The following MTA3 variants were observed in gnomAD, a reference collection of about 807,000 sequenced individuals.
MTA3 encodes the protein metastasis-associated protein MTA3.
Under a neutral mutation model 83.5 loss-of-function variants are expected in MTA3, and 34 were observed. The ratio of observed to expected loss-of-function variants is 0.41; its 90% CI spans 0.31 to 0.54. The LOEUF is 0.54. Among genes scored for constraint, MTA3 ranks in the 20% least tolerant of loss-of-function variants. The pLI is 0.33. For synonymous variants in MTA3, 303 were observed against 252.7 expected, an observed-to-expected ratio of 1.20 and a Z score of -1.89; for missense variants, 761 against 726.4, an observed-to-expected ratio of 1.05 and a Z score of -0.55.
At chr2:42,645,075 C>T (rs1268614783) in intron 6 of MTA3, among the ~76,000 whole-genome samples, 2 of 151,834 alleles carry the variant, frequency 1.3e-5, no homozygotes, top group Non-Finnish European at 2.9e-5. Flanking sequence ...ACGCCTCTTT[C>T]CCCAGTTAGC....
chr2:42,585,275 A>C (rs919111939), intron 3 of MTA3, among the ~76,000 whole-genome samples: 49 of 151,810 alleles, frequency 3.2e-4, no homozygotes, highest in African/African-American at 1.2e-3. Context: ...TTTAGTAGAG[A>C]CGGGGTTTCT....
chr2:42,709,454 G>A (rs934568130), intron 14 of MTA3: 3 of 338,090 alleles, frequency 8.9e-6, no homozygotes, highest in East Asian at 1.0e-4. Context: ...CCCTAAGGAT[G>A]CTGTTATAAT....
At chr2:42,616,308 CT>C (rs1241072411) in intron 4 of MTA3, among the ~76,000 whole-genome samples, 1 of 151,992 alleles carries the variant, frequency 6.6e-6, no homozygotes, top group African/African-American at 2.4e-5. Context: ...GGTGATCTGC[CT>C]GCTTTGGCCT....
At chr2:42,504,349 C>T (rs1371609632) in intron 2 of MTA3, among the ~76,000 whole-genome samples, 1 of 152,186 alleles carries the variant, frequency 6.6e-6, no homozygotes, top group African/African-American at 2.4e-5. Context: ...ACGTGATTCT[C>T]CTGTCTCAGC....
intron 2 of MTA3, among the ~76,000 whole-genome samples, chr2:42,518,141 A>AT (rs151132109): frequency 0.025 from 3,792 of 152,242 alleles, 150 homozygotes; most frequent in African/African-American, 0.086. Flanking sequence ...AGATCGCACC[A>AT]TTGCACTCCA....
chr2:42,755,763 A>G lies in MTA3; in HGVS notation c.*2364A>G. The G allele has an allele frequency of 1.0e-6, 1 of 985,532 alleles. No individual in the cohort carries two copies. The highest frequency in any genetic ancestry group is 1.2e-6 in the Non-Finnish European group (1 of 830,026). 61.0% of individuals were successfully genotyped at this position (985,532 alleles called of 1,614,324 possible). A position where few individuals can be genotyped will look rare whatever the true frequency, so the allele number is the denominator to read the frequency against. On this transcript the variant is annotated 3_prime_UTR_variant, in exon 17 of 17. Transcript: ENST00000405094. ...GGTGTCCCTGCTGTGTGTCAGTGGCATGTCACTGTGGTTCAGTGAGCACAT... is the reference window on the plus strand; with the variant it reads ...GGTGTCCCTGCTGTGTGTCAGTGGCGTGTCACTGTGGTTCAGTGAGCACAT...
intron 8 of MTA3, among the ~76,000 whole-genome samples, chr2:42,663,523 G>A (rs993967587): frequency 4.6e-5 from 7 of 152,210 alleles, no homozygotes; most frequent in East Asian, 3.8e-4. Flanking sequence ...AACTTTGGGA[G>A]GCTGAGGCAG....
At chr2:42,592,677 C>G (rs1423210973) in intron 3 of MTA3, among the ~76,000 whole-genome samples, 1 of 152,162 alleles carries the variant, frequency 6.6e-6, no homozygotes, top group Non-Finnish European at 1.5e-5. Flanking sequence ...TCAGGATCAT[C>G]AATATCACTG....
chr2:42,681,335 T>C (rs1691887717), intron 8 of MTA3, among the ~76,000 whole-genome samples: 1 of 152,172 alleles, frequency 6.6e-6, no homozygotes, highest in African/African-American at 2.4e-5. Flanking sequence ...TAATTTTGTC[T>C]TAAATATCAT....
intron 2 of MTA3, among the ~76,000 whole-genome samples, chr2:42,556,014 G>T (rs1012714540): frequency 6.6e-6 from 1 of 152,004 alleles, no homozygotes; most frequent in African/African-American, 2.4e-5. Flanking sequence ...GGAAGTTGCA[G>T]TGAGCCGACA....
intron 3 of MTA3, among the ~76,000 whole-genome samples, chr2:42,600,756 G>A (rs1377283999): frequency 6.6e-6 from 1 of 152,102 alleles, no homozygotes; most frequent in African/African-American, 2.4e-5. Flanking sequence ...GGCCAGGGTG[G>A]TCTTGAACTC....
In MTA3 at chr2:42,709,016, T is replaced by G. The variant is rs1371854023; in HGVS notation, c.1445T>G (p.Val482Gly). The part of the protein sequence containing the change: ...TTYFTKFARQ[V>G]CKNTLRLRQA... ...TATTTCACAAAATTTGCTCGTCAGG[T>G]CTGCAAAAATACCCTCCGGCTGCGG... The change falls in exon 14 of 17, where the codon GTC becomes GGC. Residue 482 changes from valine to glycine, a missense_variant. Transcript: ENST00000405094. 2 of 1,614,050 alleles carry G rather than the reference T, an allele frequency of 1.2e-6. No individual in the cohort carries two copies. Among genetic ancestry groups the G allele is most frequent in the Non-Finnish European group, 1.7e-6 (2 of 1,179,890 alleles).
intron 2 of MTA3, among the ~76,000 whole-genome samples, chr2:42,548,810 A>AAATATAT (rs1378498420): frequency 3.0e-5 from 2 of 66,492 alleles, no homozygotes; most frequent in African/African-American, 1.5e-4. Context: ...CTCAAAAAAA[A>AAATATAT]ATATATATAT....
chr2:42,503,463 G>A (rs2103648440), intron 2 of MTA3, among the ~76,000 whole-genome samples: 1 of 152,172 alleles, frequency 6.6e-6, no homozygotes, highest in African/African-American at 2.4e-5. Flanking sequence ...CTAACCGTCT[G>A]GGAATGCAGC....
intron 2 of MTA3, among the ~76,000 whole-genome samples, chr2:42,501,480 A>G: frequency 6.6e-6 from 1 of 152,162 alleles, no homozygotes; most frequent in East Asian, 1.9e-4. Context: ...CATGGAGGCC[A>G]TTATTGTATT....
chr2:42,577,091 TAAA>T (rs1173783991), intron 2 of MTA3, among the ~76,000 whole-genome samples: 2 of 19,214 alleles, frequency 1.0e-4, no homozygotes, highest in South Asian at 3.3e-3. Flanking sequence ...GTACTCCATC[TAAA>T]AAAAAAAAAA....
chr2:42,635,589 A>G (rs764681887), intron 4 of MTA3, among the ~76,000 whole-genome samples: 1 of 152,040 alleles, frequency 6.6e-6, no homozygotes, highest in Non-Finnish European at 1.5e-5. Context: ...AGATCACACC[A>G]CTTGCACTCC....
chr2:42,585,589 C>G (rs1335614688), intron 3 of MTA3, among the ~76,000 whole-genome samples: 1 of 151,374 alleles, frequency 6.6e-6, no homozygotes, highest in Non-Finnish European at 1.5e-5. Context: ...ATTCGCCTGC[C>G]TCAGCCTTCT....
At position 42,756,701 on chromosome 2, in the gene MTA3, C is replaced by A; in HGVS notation, c.*3302C>A. On this transcript the variant is annotated 3_prime_UTR_variant, in exon 17 of 17. Transcript: ENST00000405094. ...GGGGGAATTTACTCAGTTAGCAGCC[C>A]CTCCTCACCATTCCCCCCAGGAAGG... is the stretch of plus-strand genomic sequence containing the variant. 5 of 985,432 alleles carry A rather than the reference C, an allele frequency of 5.1e-6. No homozygotes were observed. Among genetic ancestry groups the A allele is most frequent in the Non-Finnish European group, 6.0e-6 (5 of 829,960 alleles). The allele number at this position is 985,432 out of a possible 1,614,324, so 61.0% of individuals were successfully genotyped here.
Sources: gnomAD v4.1 joint callset for allele counts (sites outside exome capture counted in the v4.1 genomes callset) on GRCh38, gnomAD v4.1.1 for gene constraint, MANE v1.5 for transcripts, NCBI Gene and HGNC (gene_info 2026-07-23, HGNC 2026-07-21) for gene names.